Variants in AGMO observed in about 807,000 individuals in gnomAD.
The protein encoded by AGMO is alkylglycerol monooxygenase.
Under a neutral mutation model 60.2 loss-of-function variants are expected in AGMO, and 75 were observed. The ratio of observed to expected loss-of-function variants is 1.25; its 90% CI spans 1.03 to 1.51. AGMO has a LOEUF of 1.51. Among genes scored for constraint, AGMO ranks in the 40% most tolerant of loss-of-function variants. The pLI, the probability that AGMO is intolerant of heterozygous loss-of-function variation, is 0.00. For missense variants in AGMO, 763 were observed against 525.5 expected (o/e 1.45, Z -4.42); for synonymous variants, 261 against 177.1 (o/e 1.47, Z -3.76).
Position 15,261,107 on chromosome 7 carries a change from C to T in AGMO, c.1264-59748G>A, listed in dbSNP as rs1195742829. The stretch of plus-strand genomic sequence containing the variant: ...CAATCTAAAGTCACACCTTATAAAA[C>T]GGGAGTAACGAGAACTATCCAAACC... On this transcript the variant is annotated intron_variant, in intron 12 of 12. Coordinates refer to ENST00000342526, the MANE Select transcript of AGMO (RefSeq NM_001004320.2). 3.3e-5 allele frequency among the ~76,000 whole-genome samples: 5 copies of T among 151,740 alleles called. No individual in the cohort carries two copies. The East Asian group carries it at 5.8e-4, about 18-fold the overall frequency.
At chr7:15,417,467 A>C (rs2128493992) in intron 5 of AGMO, among the ~76,000 whole-genome samples, 1 of 152,204 alleles carries the variant, frequency 6.6e-6, no homozygotes, top group South Asian at 2.1e-4. Context: ...ATAAAATGTA[A>C]TTCTCCCTTA....
chr7:15,347,637 G>A (rs533413912), intron 12 of AGMO, among the ~76,000 whole-genome samples: 2 of 151,942 alleles, frequency 1.3e-5, no homozygotes, highest in East Asian at 3.9e-4. Context: ...GGCGCAGTGT[G>A]GCCAGATCTT....
chr7:15,148,173 A>G, the AGMO span, among the ~76,000 whole-genome samples: 2 of 151,994 alleles, frequency 1.3e-5, no homozygotes, highest in Non-Finnish European at 2.9e-5. Context: ...TGGTGGAATT[A>G]TTCTCCTTCT....
At chr7:15,309,984 T>A (rs1434313771) in intron 12 of AGMO, among the ~76,000 whole-genome samples, 1 of 152,174 alleles carries the variant, frequency 6.6e-6, no homozygotes, top group Non-Finnish European at 1.5e-5. Flanking sequence ...ATATAAATTT[T>A]ATGATGAAAA....
chr7:15,399,771 G>A (rs1036617044), intron 5 of AGMO, among the ~76,000 whole-genome samples: 9 of 152,142 alleles, frequency 5.9e-5, no homozygotes, highest in South Asian at 4.2e-4. Context: ...CATTTCCCCT[G>A]ACCAAAAATA....
intron 12 of AGMO, among the ~76,000 whole-genome samples, chr7:15,214,663 T>C (rs534554472): frequency 1.3e-5 from 2 of 152,164 alleles, no homozygotes; most frequent in African/African-American, 2.4e-5. Flanking sequence ...TTTCTACTTA[T>C]CTGTAGGGCT....
chr7:15,535,048 T>G (rs1158625653), intron 3 of AGMO, among the ~76,000 whole-genome samples: 1 of 152,052 alleles, frequency 6.6e-6, no homozygotes, highest in Middle Eastern at 3.4e-3. Context: ...AATTATACTT[T>G]TGTTATTTGC....
chr7:15,407,840 T>TGGC (rs1297762957), intron 5 of AGMO, among the ~76,000 whole-genome samples: 4 of 151,416 alleles, frequency 2.6e-5, no homozygotes, highest in African/African-American at 9.7e-5. Context: ...TACAACAGAG[T>TGGC]GGCATAAGAA....
intron 3 of AGMO, among the ~76,000 whole-genome samples, chr7:15,544,099 T>G (rs1784703267): frequency 6.6e-6 from 1 of 152,010 alleles, no homozygotes; most frequent in African/African-American, 2.4e-5. Context: ...AAACTATTAT[T>G]CTAAGTGAAT....
At chr7:15,227,973 A>G (rs767150831) in intron 12 of AGMO, among the ~76,000 whole-genome samples, 6 of 152,148 alleles carry the variant, frequency 3.9e-5, no homozygotes, top group African/African-American at 7.2e-5. Flanking sequence ...TTTACACAGT[A>G]AGAATACTGA....
intron 12 of AGMO, among the ~76,000 whole-genome samples, chr7:15,213,951 T>C (rs781677126): frequency 3.3e-5 from 5 of 152,018 alleles, no homozygotes; most frequent in Non-Finnish European, 7.4e-5. Context: ...TAAAAACATT[T>C]TGCTTGTTTG....
intron 3 of AGMO, among the ~76,000 whole-genome samples, chr7:15,502,870 C>G (rs2128525964): frequency 6.6e-6 from 1 of 152,074 alleles, no homozygotes; most frequent in South Asian, 2.1e-4. Flanking sequence ...GACCTGTGAT[C>G]AAATTGCAGT....
chr7:15,167,132 A>C, the AGMO span, among the ~76,000 whole-genome samples: 2 of 152,294 alleles, frequency 1.3e-5, no homozygotes, highest in South Asian at 2.1e-4. Context: ...ATTTATAGCA[A>C]TCAGTGTTTT....
chr7:15,308,700 T>C (rs1340494077), intron 12 of AGMO, among the ~76,000 whole-genome samples: 1 of 152,192 alleles, frequency 6.6e-6, no homozygotes, highest in East Asian at 1.9e-4. Context: ...TTTTCCTGTA[T>C]CTGTTGATAT....
At chr7:15,284,405 C>A (rs1784048180) in intron 12 of AGMO, among the ~76,000 whole-genome samples, 1 of 151,860 alleles carries the variant, frequency 6.6e-6, no homozygotes. Context: ...ACTGACACTA[C>A]AAAAATACAA....
rs1420034563 is a variant in AGMO, at chr7:15,384,188, T to C, written c.1074+1258A>G. Among the ~76,000 whole-genome samples the C allele has an allele frequency of 2.6e-5, 4 of 152,156 alleles. No individual in the cohort carries two copies. In the South Asian group the frequency reaches 6.2e-4, roughly 24 times the overall value. On this transcript the variant is annotated intron_variant, in intron 10 of 12. Transcript: ENST00000342526. ...TCCTGACCTCGTGATCTGCCCACCT[T>C]GGCCTCCCAAAGTGCTGGGATTACA...
chr7:15,313,742 A>T (rs529938288), intron 12 of AGMO, among the ~76,000 whole-genome samples: 1 of 152,264 alleles, frequency 6.6e-6, no homozygotes, highest in Admixed American at 6.5e-5. Context: ...TATATACTAT[A>T]TTTTTCCTAC....
chr7:15,235,105 GAGATCCTCCTCTGCTCAAAA>G (rs978375561), intron 12 of AGMO, among the ~76,000 whole-genome samples: 3 of 152,050 alleles, frequency 2.0e-5, no homozygotes, highest in Non-Finnish European at 2.9e-5. Context: ...TATAGAAAAA[GAGATCCTCCTCTGCTCAAAA>G]AGATCCTCCT....
chr7:15,345,114 GCAAATCTAAT>G (rs1175218871), intron 12 of AGMO, among the ~76,000 whole-genome samples: 1 of 152,118 alleles, frequency 6.6e-6, no homozygotes, highest in Non-Finnish European at 1.5e-5. Context: ...ACACAAAAAT[GCAAATCTAAT>G]CAAATGGTTT....
Sources: gnomAD v4.1 joint callset for allele counts (sites outside exome capture counted in the v4.1 genomes callset) on GRCh38, gnomAD v4.1.1 for gene constraint, MANE v1.5 for transcripts, NCBI Gene and HGNC (gene_info 2026-07-23, HGNC 2026-07-21) for gene names.